The following RASA3 variants were observed in gnomAD, a reference collection of about 807,000 sequenced individuals.
The protein encoded by RASA3 is RAS p21 protein activator 3, also known as ras GTPase-activating protein 3.
Under a neutral mutation model 110.0 loss-of-function variants are expected in RASA3, and 73 were observed. The ratio of observed to expected loss-of-function variants is 0.66; its 90% CI spans 0.55 to 0.81. RASA3 has a LOEUF of 0.81. Among genes scored for constraint, RASA3 ranks in the 30% least tolerant of loss-of-function variants. The pLI, the probability that RASA3 is intolerant of heterozygous loss-of-function variation, is 0.00. For synonymous variants in RASA3, 500 were observed against 451.4 expected, an observed-to-expected ratio of 1.11 and a Z score of -1.37; for missense variants, 976 against 1,113.2, an observed-to-expected ratio of 0.88 and a Z score of 1.75.
At chr13:114,097,705 G>C (rs1229421296) in intron 1 of RASA3, among the ~76,000 whole-genome samples, 2 of 152,230 alleles carry the variant, frequency 1.3e-5, no homozygotes, top group Admixed American at 1.3e-4. Context: ...CCCCTCTGCA[G>C]GGCCACACAG....
At chr13:114,022,829 G>A (rs1476696254) in intron 8 of RASA3, among the ~76,000 whole-genome samples, 1 of 152,242 alleles carries the variant, frequency 6.6e-6, no homozygotes, top group Non-Finnish European at 1.5e-5. Flanking sequence ...GGTGTAAAAA[G>A]AAACCAACAA....
At position 114,096,217 on chromosome 13, in the gene RASA3, AG is replaced by A. The variant is rs1342060356; in HGVS notation, c.56-22381del. Among the ~76,000 whole-genome samples the A allele has an allele frequency of 6.6e-6, 1 of 152,142 alleles. No homozygotes were observed. The highest frequency in any genetic ancestry group is 2.4e-5 in the African/African-American group (1 of 41,426). On this transcript the variant is annotated intron_variant, in intron 1 of 23. Coordinates refer to ENST00000334062, the MANE Select transcript of RASA3 (RefSeq NM_007368.4). This position sits in a 1 kb window ranked among gnomAD's most constrained non-coding sequence, Gnocchi z 5.1. The stretch of plus-strand genomic sequence containing the variant: ...TCGGTGTGCTGGGAAGGGAGTGCGC[AG>A]GCCCACCCCGGCGTGCTGCCTGGGA...
intron 3 of RASA3, among the ~76,000 whole-genome samples, chr13:114,042,367 T>C (rs1342890053): frequency 1.3e-5 from 2 of 152,226 alleles, no homozygotes; most frequent in African/African-American, 2.4e-5. Context: ...CGTGAACTCC[T>C]AGGGAGTCGC....
At chr13:114,067,731 A>G (rs2079478428) in intron 2 of RASA3, among the ~76,000 whole-genome samples, 1 of 152,046 alleles carries the variant, frequency 6.6e-6, no homozygotes, top group Non-Finnish European at 1.5e-5. Flanking sequence ...ACAGGACGGG[A>G]CGGGCTTCCA....
rs753046030 is a variant in RASA3 at position 114,016,199 on chromosome 13, T to C, written c.1279A>G (p.Met427Val). 31 of 1,582,406 alleles carry C rather than the reference T, an allele frequency of 2.0e-5. No individual in the cohort carries two copies. Among genetic ancestry groups the C allele is most frequent in the South Asian group, 4.4e-5 (4 of 90,414 alleles). Residue 427 changes from methionine to valine, a missense_variant and splice_region_variant, in exon 13 of 24, where the codon ATG becomes GTG. Around this residue, in one of 4 missense-constraint regions of RASA3, gnomAD observed 732 missense variants for 779.7 expected, o/e 0.94. Transcript: ENST00000334062. ...GTTGGTTCATGAACAAAACCTACCA[T>C]GTTGTTTTCAAGGTTTTCTCCGTCT... ...LKDGENLENN[M>V]ENLRQYVDRV...
intron 4 of RASA3, among the ~76,000 whole-genome samples, chr13:114,036,943 T>C (rs1164290559): frequency 6.6e-6 from 1 of 152,198 alleles, no homozygotes; most frequent in African/African-American, 2.4e-5. Context: ...AAGCAACGCA[T>C]TGGAGAGCAG....
In RASA3 at chr13:114,011,206, C is replaced by T. The variant is rs777581034; in HGVS notation, c.1555G>A (p.Val519Ile). ...SRTLTLISKTVQTLGSLSKSK... is the reference protein window; with the variant it reads ...SRTLTLISKTIQTLGSLSKSK... ...TTGGACAGGCTGCCGAGGGTCTGAA[C>T]GGTCTTGGAGATCAATGTCAGCGTC... The change falls in exon 16 of 24, where the codon GTT (valine) becomes ATT (isoleucine). Residue 519 changes from valine (V) to isoleucine (I), a missense_variant. By Grantham distance (29) the Val-to-Ile change is conservative. Coordinates refer to ENST00000334062, the MANE Select transcript of RASA3 (RefSeq NM_007368.4). The surrounding 1 kb of genome is among the most constrained non-coding windows in gnomAD (Gnocchi z 4.8). 1.8e-5 allele frequency: 29 copies of T among 1,612,766 alleles called. No homozygotes were observed. The highest frequency in any genetic ancestry group is 1.6e-4 in the Middle Eastern group (1 of 6,074).
intron 3 of RASA3, among the ~76,000 whole-genome samples, chr13:114,043,182 T>C (rs937862241): frequency 1.3e-5 from 2 of 152,054 alleles, no homozygotes; most frequent in East Asian, 1.9e-4. Context: ...CCAGACCCTA[T>C]GGGACAGCGC....
intron 2 of RASA3, among the ~76,000 whole-genome samples, chr13:114,059,513 T>C (rs2079301842): frequency 6.6e-6 from 1 of 152,190 alleles, no homozygotes; most frequent in Non-Finnish European, 1.5e-5. Flanking sequence ...GACGTCCACG[T>C]TTCAACGCTG....
intron 1 of RASA3, among the ~76,000 whole-genome samples, chr13:114,123,135 G>C (rs959124522): frequency 2.0e-5 from 3 of 152,210 alleles, no homozygotes; most frequent in African/African-American, 2.4e-5. Context: ...CTCAGAGGAG[G>C]GGGGCCGGAA....
At chr13:114,072,217 C>A (rs757508414) in intron 2 of RASA3, among the ~76,000 whole-genome samples, 5 of 152,212 alleles carry the variant, frequency 3.3e-5, no homozygotes, top group Non-Finnish European at 5.9e-5. Context: ...CTGTGCATCC[C>A]ACCCCGTGCC....
rs2079953016 is a variant in RASA3, at chr13:114,096,917, G to T, written c.56-23080C>A. Among the ~76,000 whole-genome samples the T allele has an allele frequency of 6.6e-6, 1 of 152,180 alleles. No individual in the cohort carries two copies. The highest frequency in any genetic ancestry group is 1.5e-5 in the Non-Finnish European group (1 of 68,030). ...TGCCAACATGTGCGCCTTTGAACAT[G>T]CGTTCTCTCCGCCTGCAGTGCCCTC... On this transcript the variant is annotated intron_variant, in intron 1 of 23. Transcript: ENST00000334062. This position sits in a 1 kb window ranked among gnomAD's most constrained non-coding sequence, Gnocchi z 5.1.
chr13:113,992,668 T>C (rs1261437791), intron 21 of RASA3, 80 bp from the exon 22 acceptor site: 2 of 1,099,614 alleles, frequency 1.8e-6, no homozygotes, highest in Non-Finnish European at 2.7e-6. Context: ...ATTTTTAAAA[T>C]GTCACTGAAG....
At chr13:114,119,486 C>T (rs558478181) in intron 1 of RASA3, among the ~76,000 whole-genome samples, 18 of 111,832 alleles carry the variant, frequency 1.6e-4, no homozygotes, top group Non-Finnish European at 3.2e-4. Context: ...AGCAGGGCCC[C>T]CCTCCCCTCT....
chr13:114,041,302 T>G (rs775134622), intron 3 of RASA3, among the ~76,000 whole-genome samples: 5 of 152,322 alleles, frequency 3.3e-5, no homozygotes, highest in Non-Finnish European at 7.3e-5. Context: ...CTGAGCGATA[T>G]GGTGAAAACT....
In RASA3 at chr13:114,066,907, CACCTGGGCTGAGGATGGGCCCA is replaced by C. The variant is rs1203449114; in HGVS notation, c.173+6791_173+6812del. Among the ~76,000 whole-genome samples the C allele has an allele frequency of 8.5e-3, 1,285 of 151,868 alleles. 12 individuals carry two copies. The highest frequency in any genetic ancestry group is 0.013 in the Non-Finnish European group (885 of 67,890). On this transcript the variant is annotated intron_variant, in intron 2 of 23. Coordinates refer to ENST00000334062, the MANE Select transcript of RASA3 (RefSeq NM_007368.4). Reference sequence around the variant, plus strand: ...TGCTCTGGGGCTGAGGATGGGCCCCCACCTGGGCTGAGGATGGGCCCAACCTGGGCTGAGGACGGGCCTCCCC... The same window carrying C: ...TGCTCTGGGGCTGAGGATGGGCCCCCACCTGGGCTGAGGACGGGCCTCCCC...
chr13:114,126,911 A>C (rs1006471064), intron 1 of RASA3, among the ~76,000 whole-genome samples: 1 of 151,910 alleles, frequency 6.6e-6, no homozygotes. Context: ...GTCTGATTCC[A>C]AGTGGGTTCG....
intron 1 of RASA3, among the ~76,000 whole-genome samples, chr13:114,108,216 TGTCTGTCACCCCGC>T (rs1209197270): frequency 1.5e-5 from 2 of 129,558 alleles, no homozygotes; most frequent in African/African-American, 3.0e-5. Context: ...CATCACCCCG[TGTCTGTCACCCCGC>T]GTCTGTCACC....
Position 114,112,322 on chromosome 13 carries a change from G to A in RASA3, c.55+20113C>T, listed in dbSNP as rs929678737. Among the ~76,000 whole-genome samples, 3 of 152,186 alleles carry A rather than the reference G, an allele frequency of 2.0e-5. No individual in the cohort carries two copies. Among genetic ancestry groups the A allele is most frequent in the African/African-American group, 7.2e-5 (3 of 41,456 alleles). On this transcript the variant is annotated intron_variant, in intron 1 of 23. Transcript: ENST00000334062. The surrounding 1 kb of genome is among the most constrained non-coding windows in gnomAD (Gnocchi z 4.8). ...GTCTTCTAGGGGGCCTGGGGCAGCCGGAACCTGGCCGGGTGGAGGATTTCT... is the reference window on the plus strand; with the variant it reads ...GTCTTCTAGGGGGCCTGGGGCAGCCAGAACCTGGCCGGGTGGAGGATTTCT...
Sources: gnomAD v4.1 joint callset for allele counts (sites outside exome capture counted in the v4.1 genomes callset) on GRCh38, gnomAD v4.1.1 for gene constraint, gnomAD v4.1.1 regional missense constraint, Gnocchi (gnomAD v3.1) non-coding constraint, MANE v1.5 for transcripts, NCBI Gene and HGNC (gene_info 2026-07-23, HGNC 2026-07-21) for gene names.